CDH18: variants seen among roughly 807,000 people sequenced by gnomAD.
CDH18 encodes cadherin-18.
A neutral mutation model predicts 67.9 loss-of-function variants in CDH18; 31 were observed. The observed-to-expected ratio is 0.46, with a 90% confidence interval of 0.34 to 0.62. The LOEUF (loss-of-function observed/expected upper bound fraction) is 0.62, where lower values mean the gene tolerates loss of function less well. Ranked by LOEUF, CDH18 falls within the 20% of genes least tolerant of loss-of-function variation. The pLI is 0.01. For synonymous variants in CDH18, 362 were observed against 347.2 expected, an observed-to-expected ratio of 1.04 and a Z score of -0.48; for missense variants, 890 against 975.5, an observed-to-expected ratio of 0.91 and a Z score of 1.17.
rs559335798 is a variant in CDH18 at position 20,482,491 on chromosome 5, T to A, written c.-580+92971A>T. Among the ~76,000 whole-genome samples the A allele has an allele frequency of 1.8e-4, 28 of 152,070 alleles. 2 individuals are homozygous for A. In the South Asian group the frequency reaches 4.6e-3, roughly 25 times the overall value. ...CAAAGAAAAATACAAAAAAGGCCAA[T>A]ATTCTTGCTGAAGGTATATACAAAA... On this transcript the variant is annotated intron_variant, in intron 1 of 14. Coordinates refer to the CDH18 transcript ENST00000507958.
At chr5:20,540,196 A>G (rs1279981316) in intron 1 of CDH18, among the ~76,000 whole-genome samples, 1 of 152,194 alleles carries the variant, frequency 6.6e-6, no homozygotes, top group Non-Finnish European at 1.5e-5. Flanking sequence ...GTCTTCTAGC[A>G]ATACAGACAT....
At chr5:19,980,222 C>CAAAACA (rs753411380) in intron 2 of CDH18, among the ~76,000 whole-genome samples, 1 of 151,688 alleles carries the variant, frequency 6.6e-6, no homozygotes, top group Non-Finnish European at 1.5e-5. Flanking sequence ...AAAAACAAAA[C>CAAAACA]AAAACTTAGG....
intron 1 of CDH18, among the ~76,000 whole-genome samples, chr5:20,256,943 A>ATCTG (rs1744281266): frequency 1.5e-5 from 2 of 132,428 alleles, no homozygotes; most frequent in African/African-American, 2.6e-5. Flanking sequence ...GTATCTATCT[A>ATCTG]TCTATCTATC....
At chr5:19,548,392 A>G (rs1468025403) in intron 8 of CDH18, among the ~76,000 whole-genome samples, 1 of 152,146 alleles carries the variant, frequency 6.6e-6, no homozygotes. Flanking sequence ...AAGACATTTT[A>G]AACAATTTCT....
intron 1 of CDH18, among the ~76,000 whole-genome samples, chr5:20,545,995 G>T (rs1757321007): frequency 6.6e-6 from 1 of 152,078 alleles, no homozygotes; most frequent in Non-Finnish European, 1.5e-5. Context: ...TATCTTGAAT[G>T]CTTTGCTGCT....
intron 2 of CDH18, among the ~76,000 whole-genome samples, chr5:20,123,667 C>T (rs1561809453): frequency 6.6e-6 from 1 of 152,120 alleles, no homozygotes; most frequent in South Asian, 2.1e-4. Flanking sequence ...GCGGGCGGAT[C>T]GCGAGGTCAG....
rs142997387 is a variant in CDH18, at chr5:19,944,166, C to T, written c.-257+36894G>A. ...CCAGATGATTGTTCGTTTCCCACTACTCCTCTGGTTTAGTAATGGAATTTC... is the reference window on the plus strand; with the variant it reads ...CCAGATGATTGTTCGTTTCCCACTATTCCTCTGGTTTAGTAATGGAATTTC... On this transcript the variant is annotated intron_variant, in intron 2 of 12. Transcript: ENST00000382275. Among the ~76,000 whole-genome samples, 79 of 152,192 alleles carry T rather than the reference C, an allele frequency of 5.2e-4. 1 individual carries two copies. In the East Asian group the frequency reaches 0.014, roughly 27 times the overall value.
At chr5:19,624,389 T>C (rs1751193799) in intron 5 of CDH18, among the ~76,000 whole-genome samples, 1 of 152,206 alleles carries the variant, frequency 6.6e-6, no homozygotes, top group Admixed American at 6.5e-5. Flanking sequence ...ATATACAATA[T>C]ATGAATATTA....
At chr5:19,668,070 C>T (rs898820550) in intron 5 of CDH18, among the ~76,000 whole-genome samples, 7 of 151,954 alleles carry the variant, frequency 4.6e-5, no homozygotes, top group Non-Finnish European at 1.0e-4. Flanking sequence ...TACATATTTA[C>T]GTGGGATAAT....
chr5:20,123,583 A>G (rs540882620), intron 2 of CDH18, among the ~76,000 whole-genome samples: 55 of 152,220 alleles, frequency 3.6e-4, no homozygotes, highest in Non-Finnish European at 7.8e-4. Flanking sequence ...GAAACGTTCC[A>G]TTAAAGAATT....
At position 19,520,510 on chromosome 5, in the gene CDH18, G is replaced by T. The variant is rs1030369183; in HGVS notation, c.1512+147C>A. ...TGCTTTGATTCTCCAAAAATTATTT[G>T]GTACTTAAAATAAAGCTTTATGAAA... On this transcript the variant is annotated intron_variant, in intron 10 of 12. Coordinates refer to ENST00000382275, the MANE Select transcript of CDH18 (RefSeq NM_004934.5). The T allele has an allele frequency of 2.7e-5, 17 of 623,648 alleles. No individual in the cohort carries two copies. The African/African-American group carries it at 3.1e-4, about 11-fold the overall frequency. 38.6% of individuals were successfully genotyped at this position (623,648 alleles called of 1,614,324 possible).
intron 1 of CDH18, among the ~76,000 whole-genome samples, chr5:20,527,018 T>G (rs1006783658): frequency 6.6e-6 from 1 of 152,038 alleles, no homozygotes; most frequent in African/African-American, 2.4e-5. Context: ...TCATGATAAA[T>G]GATTACAGGA....
rs1205302763 is a variant in CDH18 at position 19,683,107 on chromosome 5, A to ATCTATCTATCTG, written c.643+38239_643+38240insCAGATAGATAGA. Among the ~76,000 whole-genome samples the ATCTATCTATCTG allele has an allele frequency of 7.8e-5, 11 of 141,634 alleles. No homozygotes were observed. In the Middle Eastern group the frequency reaches 0.01, roughly 131 times the overall value. The allele number at this position is 141,634 out of a possible 152,430, so 92.9% of individuals were successfully genotyped here. A position where few individuals can be genotyped will look rare whatever the true frequency, so the allele number is the denominator to read the frequency against. On this transcript the variant is annotated intron_variant, in intron 5 of 12. Coordinates refer to ENST00000382275, the MANE Select transcript of CDH18 (RefSeq NM_004934.5). The stretch of plus-strand genomic sequence containing the variant: ...TGTTCAAAGTTCAACATATAACTCT[A>ATCTATCTATCTG]TCTATCTATCTATCTATCTAGACTT...
At chr5:19,965,105 T>C (rs1168996631) in intron 2 of CDH18, among the ~76,000 whole-genome samples, 2 of 152,246 alleles carry the variant, frequency 1.3e-5, no homozygotes. Context: ...AGTGGGGGGA[T>C]TGCATGATAT....
intron 1 of CDH18, among the ~76,000 whole-genome samples, chr5:20,291,633 A>T (rs989779566): frequency 6.6e-6 from 1 of 152,302 alleles, no homozygotes; most frequent in African/African-American, 2.4e-5. Flanking sequence ...AACCAACATG[A>T]GATGTGTTTT....
At chr5:20,496,368 T>C (rs1289912270) in intron 1 of CDH18, among the ~76,000 whole-genome samples, 1 of 152,062 alleles carries the variant, frequency 6.6e-6, no homozygotes, top group Non-Finnish European at 1.5e-5. Flanking sequence ...AACACAAAAG[T>C]GAAAGGATAA....
At chr5:19,987,695 GT>G (rs1799712784) in intron 1 of CDH18, among the ~76,000 whole-genome samples, 1 of 151,988 alleles carries the variant, frequency 6.6e-6, no homozygotes, top group Non-Finnish European at 1.5e-5. Context: ...CTGACCATGC[GT>G]CCCCTCACTT....
chr5:20,101,052 A>G (rs529376116), intron 2 of CDH18, among the ~76,000 whole-genome samples: 1 of 152,180 alleles, frequency 6.6e-6, no homozygotes, highest in East Asian at 1.9e-4. Context: ...TCTGGGCTCA[A>G]GTAATCCTCC....
intron 3 of CDH18, among the ~76,000 whole-genome samples, chr5:19,827,073 G>T (rs1780488803): frequency 6.6e-6 from 1 of 151,892 alleles, no homozygotes; most frequent in Non-Finnish European, 1.5e-5. Flanking sequence ...AAAAAGTGAG[G>T]GTTGTTATTG....
Sources: gnomAD v4.1 joint callset for allele counts (sites outside exome capture counted in the v4.1 genomes callset) on GRCh38, gnomAD v4.1.1 for gene constraint, MANE v1.5 for transcripts, NCBI Gene and HGNC (gene_info 2026-07-23, HGNC 2026-07-21) for gene names.